The following CLIP2 variants were observed in gnomAD, a reference collection of about 807,000 sequenced individuals.
The protein encoded by CLIP2 is CAP-Gly domain containing linker protein 2, also known as CAP-Gly domain-containing linker protein 2.
In CLIP2, 41 loss-of-function variants were observed where a neutral mutation model predicts 111.7. The observed-to-expected ratio is 0.37, with a 90% CI of 0.29 to 0.48. CLIP2 has a LOEUF of 0.48. Ranked by LOEUF, CLIP2 falls within the 20% of genes least tolerant of loss-of-function variation. The pLI is 0.99. For missense variants in CLIP2, 1,160 were observed against 1,422.1 expected, an observed-to-expected ratio of 0.82 and a Z score of 2.96; for synonymous variants, 660 against 644.2, an observed-to-expected ratio of 1.02 and a Z score of -0.37.
At chr7:74,365,040 T>TGC (rs1367808627) in intron 8 of CLIP2, among the ~76,000 whole-genome samples, 1 of 143,084 alleles carries the variant, frequency 7.0e-6, no homozygotes, top group Non-Finnish European at 1.5e-5. Context: ...TGTGTGTGTG[T>TGC]GTGTGTGTGT....
chr7:74,332,856 C>G (rs1315287559), intron 2 of CLIP2, among the ~76,000 whole-genome samples: 3 of 152,208 alleles, frequency 2.0e-5, no homozygotes, highest in African/African-American at 4.8e-5. Context: ...GGCCATGCCT[C>G]TTGTCCAGTG....
intron 2 of CLIP2, among the ~76,000 whole-genome samples, chr7:74,321,760 G>A (rs1013516741): frequency 1.5e-4 from 22 of 151,668 alleles, no homozygotes; most frequent in Non-Finnish European, 2.6e-4. Context: ...GAGCCACCGC[G>A]CCTGGCCTTT....
intron 11 of CLIP2, among the ~76,000 whole-genome samples, chr7:74,385,122 C>CAAAAAAAA (rs71094780): frequency 1.4e-4 from 7 of 51,606 alleles, no homozygotes; most frequent in African/African-American, 3.6e-4. Flanking sequence ...ATTAAAAATA[C>CAAAAAAAA]AAAAAAAAAA....
intron 3 of CLIP2, among the ~76,000 whole-genome samples, chr7:74,347,907 C>CGG (rs1789849331): frequency 6.6e-6 from 1 of 152,086 alleles, no homozygotes; most frequent in African/African-American, 2.4e-5. Context: ...AGCCCAGGGG[C>CGG]GGGGGCTCAC....
chr7:74,290,337 T>C (rs952235756), intron 1 of CLIP2, among the ~76,000 whole-genome samples: 3 of 152,202 alleles, frequency 2.0e-5, no homozygotes, highest in Non-Finnish European at 4.4e-5. Context: ...GCGGCTTCTC[T>C]CAGGGGGTGT....
At chr7:74,396,801 G>A (rs1263697460) in intron 13 of CLIP2, among the ~76,000 whole-genome samples, 2 of 152,122 alleles carry the variant, frequency 1.3e-5, no homozygotes, top group Non-Finnish European at 2.9e-5. Context: ...GATTACAGGC[G>A]TGAGCCACTG....
At chr7:74,362,099 CAAA>C (rs564539300) in intron 7 of CLIP2, among the ~76,000 whole-genome samples, 2 of 86,510 alleles carry the variant, frequency 2.3e-5, no homozygotes, top group African/African-American at 4.3e-5. Flanking sequence ...GGCTCCGCCT[CAAA>C]AAAAAAAAAA....
intron 1 of CLIP2, among the ~76,000 whole-genome samples, chr7:74,290,113 G>T (rs782118755): frequency 3.3e-5 from 5 of 152,230 alleles, no homozygotes; most frequent in Admixed American, 6.5e-5. Flanking sequence ...AAGACGGCTG[G>T]ACGCGCCGCA....
rs782731877 is a variant in CLIP2, at chr7:74,394,242, C to CTTCTTTTTTTTTTTTTTTTTTTTT, written c.2721-2830_2721-2829insCTTTTTTTTTTTTTTTTTTTTTTT. Among the ~76,000 whole-genome samples, 6 of 119,736 alleles carry CTTCTTTTTTTTTTTTTTTTTTTTT rather than the reference C, an allele frequency of 5.0e-5. 1 individual carries two copies. The highest frequency in any genetic ancestry group is 5.3e-5 in the Non-Finnish European group (3 of 56,510). 78.6% of individuals were successfully genotyped at this position (119,736 alleles called of 152,430 possible). A position where few individuals can be genotyped will look rare whatever the true frequency, so the allele number is the denominator to read the frequency against. The stretch of plus-strand genomic sequence containing the variant: ...CCTTCTGGGATACCTTCTTTTTCTT[C>CTTCTTTTTTTTTTTTTTTTTTTTT]TTATTTTTTTTTTTTTTTTTTTTTT... On this transcript the variant is annotated intron_variant, in intron 13 of 16. Transcript: ENST00000223398.
At chr7:74,319,522 TAAAG>T (rs1323220918) in intron 2 of CLIP2, among the ~76,000 whole-genome samples, 7 of 149,680 alleles carry the variant, frequency 4.7e-5, no homozygotes, top group East Asian at 4.0e-4. Flanking sequence ...TAAAATAAAA[TAAAG>T]AAAGAAAGAG....
chr7:74,336,190 C>G (rs1789451745), intron 2 of CLIP2, among the ~76,000 whole-genome samples: 1 of 152,058 alleles, frequency 6.6e-6, no homozygotes, highest in Non-Finnish European at 1.5e-5. Flanking sequence ...GCCTCAGCCT[C>G]CCAAGTAGCT....
chr7:74,397,659 TTTTTTTG>T (rs1791495185), intron 14 of CLIP2, among the ~76,000 whole-genome samples: 1 of 80,026 alleles, frequency 1.2e-5, no homozygotes, highest in Non-Finnish European at 2.5e-5. Flanking sequence ...GTGGCTGAGT[TTTTTTTG>T]TTTTTTTTTT....
intron 2 of CLIP2, among the ~76,000 whole-genome samples, chr7:74,323,021 G>A (rs945354169): frequency 2.5e-4 from 38 of 151,996 alleles, no homozygotes; most frequent in African/African-American, 8.5e-4. Flanking sequence ...GAGCCACCGC[G>A]CCTGGCCCGT....
intron 1 of CLIP2, among the ~76,000 whole-genome samples, chr7:74,306,161 G>A (rs769336785): frequency 6.6e-5 from 10 of 152,096 alleles, no homozygotes; most frequent in African/African-American, 1.2e-4. Context: ...CCAGGCTCCC[G>A]GTTACGGGTC....
rs898469726 is a variant in CLIP2, at chr7:74,375,824, G to T, written c.1486-63G>T. On this transcript the variant is annotated intron_variant, in intron 9 of 16. Transcript: ENST00000223398. ...CCCCCTACCCGGCCCCCACCATTGTGCCCTCCTTACCTTCCAGCCAGCCAG... is the reference window on the plus strand; with the variant it reads ...CCCCCTACCCGGCCCCCACCATTGTTCCCTCCTTACCTTCCAGCCAGCCAG... 2.1e-5 allele frequency: 29 copies of T among 1,380,202 alleles called. No individual in the cohort carries two copies. In the African/African-American group the frequency reaches 3.8e-4, roughly 18 times the overall value. The allele number at this position is 1,380,202 out of a possible 1,614,324, so 85.5% of individuals were successfully genotyped here.
At chr7:74,361,319 G>A (rs1790327496) in intron 7 of CLIP2, among the ~76,000 whole-genome samples, 1 of 150,220 alleles carries the variant, frequency 6.7e-6, no homozygotes, top group Admixed American at 6.7e-5. Context: ...CCAGGTTCAA[G>A]CAATTCTCCT....
At position 74,376,324 on chromosome 7, in the gene CLIP2, C is replaced by G. The variant is rs1554312827; in HGVS notation, c.1923C>G (p.Ala641=). ...LKATLNSGPG[A]QQKEIGELKA... is the part of the protein sequence containing the mutation. ...CCACCCTGAACTCGGGCCCAGGCGC[C>G]CAGCAGAAGGAGATCGGCGAGCTGA... Residue 641 remains alanine, a synonymous_variant, in exon 10 of 17, where the codon GCC becomes GCG. Transcript: ENST00000223398. This position sits in a 1 kb window ranked among gnomAD's most constrained non-coding sequence, Gnocchi z 7.1. 2 of 1,613,840 alleles carry G rather than the reference C, an allele frequency of 1.2e-6. No homozygotes were observed. The highest frequency in any genetic ancestry group is 1.7e-5 in the Admixed American group (1 of 59,990).
intron 13 of CLIP2, among the ~76,000 whole-genome samples, chr7:74,391,301 T>C (rs554948674): frequency 1.4e-4 from 21 of 152,306 alleles, no homozygotes; most frequent in Non-Finnish European, 2.9e-4. Context: ...TTAGTATTTC[T>C]ACTAGCCCCA....
At chr7:74,381,088 A>G (rs1004951204) in intron 11 of CLIP2, 2 of 385,724 alleles carry the variant, frequency 5.2e-6, no homozygotes, top group Non-Finnish European at 9.3e-6. Context: ...TTTTCTTTTG[A>G]AACAGATTTA....
Sources: gnomAD v4.1 joint callset for allele counts (sites outside exome capture counted in the v4.1 genomes callset) on GRCh38, gnomAD v4.1.1 for gene constraint, Gnocchi (gnomAD v3.1) non-coding constraint, MANE v1.5 for transcripts, NCBI Gene and HGNC (gene_info 2026-07-23, HGNC 2026-07-21) for gene names.